CNGB3: variants seen among roughly 807,000 people sequenced by gnomAD.
CNGB3 encodes the protein cyclic nucleotide-gated channel beta-3.
Under a neutral mutation model 92.8 loss-of-function variants are expected in CNGB3, and 86 were observed. The observed-to-expected ratio is 0.93, with a 90% CI of 0.78 to 1.11. CNGB3 has a LOEUF of 1.11. Ranked by LOEUF, CNGB3 falls within the 50% of genes least tolerant of loss-of-function variation. CNGB3 has a pLI of 0.00. For missense variants in CNGB3, 1,026 were observed against 956.8 expected (o/e 1.07, Z -0.95); for synonymous variants, 333 against 332.7 (o/e 1.00, Z -0.01).
chr8:86,674,843 C>T (rs1007343147), intron 3 of CNGB3, among the ~76,000 whole-genome samples: 1 of 151,858 alleles, frequency 6.6e-6, no homozygotes. Context: ...GCCTTGACTT[C>T]CCTGGGCTCA....
intron 3 of CNGB3, among the ~76,000 whole-genome samples, chr8:86,712,782 G>A (rs1256037309): frequency 7.1e-6 from 1 of 140,436 alleles, no homozygotes; most frequent in Non-Finnish European, 1.5e-5. Context: ...TTTTAGATGA[G>A]GTCTTGCTGT....
chr8:86,636,853 T>G lies in CNGB3; in HGVS notation c.1179-3960A>C, dbSNP rs145667681. Among the ~76,000 whole-genome samples, 12 of 152,268 alleles carry G rather than the reference T, an allele frequency of 7.9e-5. No individual in the cohort carries two copies. In the East Asian group the frequency reaches 2.3e-3, roughly 29 times the overall value. On this transcript the variant is annotated intron_variant, in intron 10 of 17. Transcript: ENST00000320005. ...GAGGTCATATGAGGTCAGACGGTAT[T>G]TCTCTTTCTGTGTCTTGTTTATTTT...
chr8:86,614,039 C>A (rs1297184233), intron 13 of CNGB3, among the ~76,000 whole-genome samples: 1 of 150,872 alleles, frequency 6.6e-6, no homozygotes, highest in South Asian at 2.1e-4. Flanking sequence ...TACACACACA[C>A]AAATATGTGT....
rs1334291781 is a variant in CNGB3, at chr8:86,726,553, G to C, written c.316C>G (p.Pro106Ala). 2 of 1,613,612 alleles carry C rather than the reference G, an allele frequency of 1.2e-6. No individual in the cohort carries two copies. The highest frequency in any genetic ancestry group is 1.7e-6 in the Non-Finnish European group (2 of 1,179,796). ...CACCTGTTTGGACCTTCTTTCCCGG[G>C]GTCCATTTCCTTCTGCTCTGGCACT... Reference protein sequence around the residue: ...GTVPEQKEMDPGKEGPNSPQN... With the variant: ...GTVPEQKEMDAGKEGPNSPQN... The change falls in exon 3 of 18, where the codon CCC becomes GCC. Residue 106 changes from proline (P) to alanine (A), a missense_variant. Transcript: ENST00000320005.
At chr8:86,583,409 T>C (rs1170112010) in intron 15 of CNGB3, among the ~76,000 whole-genome samples, 2 of 152,134 alleles carry the variant, frequency 1.3e-5, no homozygotes, top group Non-Finnish European at 2.9e-5. Context: ...TCAAAATGCA[T>C]ATTGAAAACT....
intron 3 of CNGB3, among the ~76,000 whole-genome samples, chr8:86,686,597 G>A (rs534257012): frequency 6.6e-6 from 1 of 152,048 alleles, no homozygotes; most frequent in Non-Finnish European, 1.5e-5. Flanking sequence ...GAATCCTTTT[G>A]GAAACTGAAA....
intron 10 of CNGB3, among the ~76,000 whole-genome samples, chr8:86,634,644 C>G (rs909728560): frequency 6.6e-6 from 1 of 151,662 alleles, no homozygotes; most frequent in Non-Finnish European, 1.5e-5. Flanking sequence ...TTTTGTGTGT[C>G]CCAACTAGCT....
intron 3 of CNGB3, among the ~76,000 whole-genome samples, chr8:86,705,992 C>A (rs1355761441): frequency 2.6e-5 from 4 of 152,062 alleles, no homozygotes; most frequent in African/African-American, 7.2e-5. Context: ...TTGTTAACTT[C>A]AGAACTTTCT....
At position 86,660,482 on chromosome 8, in the gene CNGB3, GA is replaced by G. The variant is rs1278288951; in HGVS notation, c.853-6421del. On this transcript the variant is annotated intron_variant, in intron 6 of 17. Coordinates refer to ENST00000320005, the MANE Select transcript of CNGB3 (RefSeq NM_019098.5). Reference sequence around the variant, plus strand: ...ATTGGTCAATGAGAAAGATGAAAGGGAAAGGAAGCATGGCCAGGTGGCAGCA... The same window carrying G: ...ATTGGTCAATGAGAAAGATGAAAGGGAAGGAAGCATGGCCAGGTGGCAGCA... The G allele has an allele frequency of 2.5e-5, 13 of 523,802 alleles. No homozygotes were observed. The East Asian group carries it at 6.5e-4, about 26-fold the overall frequency. The allele number at this position is 523,802 out of a possible 1,614,324, so 32.4% of individuals were successfully genotyped here.
chr8:86,726,451 G>A (rs905999210), intron 3 of CNGB3, 80 bp downstream of exon 3: 2 of 1,571,606 alleles, frequency 1.3e-6, no homozygotes, highest in African/African-American at 2.7e-5. Flanking sequence ...TCAGCTAAAG[G>A]GGAGAGTGGA....
intron 3 of CNGB3, among the ~76,000 whole-genome samples, chr8:86,695,357 T>A (rs1000977192): frequency 9.7e-5 from 8 of 82,144 alleles, no homozygotes; most frequent in Admixed American, 4.7e-4. Context: ...TGTTCATTTT[T>A]TAAAAAATTA....
intron 2 of CNGB3, among the ~76,000 whole-genome samples, chr8:86,727,521 G>A (rs1349003247): frequency 6.6e-6 from 1 of 151,976 alleles, no homozygotes; most frequent in Non-Finnish European, 1.5e-5. Flanking sequence ...TTTCAATACA[G>A]AAATTAATTT....
intron 7 of CNGB3, among the ~76,000 whole-genome samples, chr8:86,650,171 G>A (rs1325087405): frequency 6.6e-6 from 1 of 151,400 alleles, no homozygotes; most frequent in Non-Finnish European, 1.5e-5. Flanking sequence ...AAATGAAAAA[G>A]CAGGCACACT....
At chr8:86,666,791 T>G (rs1195898974) in intron 6 of CNGB3, 134 bp downstream of exon 6, 1 of 762,086 alleles carries the variant, frequency 1.3e-6, no homozygotes, top group African/African-American at 1.7e-5. Flanking sequence ...TTCTTGTTAT[T>G]ATTGCTCATG....
chr8:86,640,408 CA>C (rs1041400519), intron 10 of CNGB3, among the ~76,000 whole-genome samples: 4 of 152,050 alleles, frequency 2.6e-5, no homozygotes, highest in Admixed American at 2.6e-4. Flanking sequence ...GTTTATCTGC[CA>C]TTCCAAGAAA....
intron 15 of CNGB3, chr8:86,594,386 GA>G: frequency 6.7e-6 from 2 of 300,290 alleles, no homozygotes; most frequent in Admixed American, 4.2e-5. Context: ...TTTCTTGTAG[GA>G]AAAGTCCCCA....
intron 3 of CNGB3, among the ~76,000 whole-genome samples, chr8:86,685,422 G>C (rs1462090657): frequency 1.3e-5 from 2 of 152,002 alleles, no homozygotes; most frequent in African/African-American, 4.8e-5. Context: ...TATGCACGTC[G>C]ACGTTTGAGA....
intron 12 of CNGB3, 125 bp downstream of exon 12, chr8:86,628,794 G>T: frequency 9.7e-7 from 1 of 1,026,816 alleles, no homozygotes; most frequent in Non-Finnish European, 1.5e-6. Context: ...TTAAACGAAT[G>T]CTTTAAGGAT....
In CNGB3 at chr8:86,666,998, C is replaced by A. The variant is rs773768338; in HGVS notation, c.779G>T (p.Cys260Phe). ...IHYWLIADII[C>F]DIIYLYDMLF... ...CATATCATAAAGGTAGATGATATCA[C>A]ATATGATGTCCGCAATAAGCCAGTA... is the stretch of plus-strand genomic sequence containing the variant. The change falls in exon 6 of 18, where the codon TGT becomes TTT. Residue 260 changes from cysteine (C) to phenylalanine (F), a missense_variant. Transcript: ENST00000320005. 4.3e-6 allele frequency: 7 copies of A among 1,613,820 alleles called. No homozygotes were observed. The highest frequency in any genetic ancestry group is 1.7e-4 in the Middle Eastern group (1 of 5,874).
Sources: gnomAD v4.1 joint callset for allele counts (sites outside exome capture counted in the v4.1 genomes callset) on GRCh38, gnomAD v4.1.1 for gene constraint, MANE v1.5 for transcripts, NCBI Gene and HGNC (gene_info 2026-07-23, HGNC 2026-07-21) for gene names.